Variants in FGD6 observed in about 807,000 individuals in gnomAD.
FGD6 encodes the protein FYVE, RhoGEF and PH domain containing 6.
Under a neutral mutation model 149.4 loss-of-function variants are expected in FGD6, and 90 were observed. The ratio of observed to expected loss-of-function variants is 0.60; its 90% CI spans 0.51 to 0.72. The LOEUF is 0.72. Ranked by LOEUF, FGD6 falls within the 30% of genes least tolerant of loss-of-function variation. The pLI is 0.00. For synonymous variants in FGD6, 527 were observed against 584.0 expected (o/e 0.90, Z 1.41); for missense variants, 1,437 against 1,684.8 (o/e 0.85, Z 2.57).
chr12:95,150,424 C>T (rs1440082410), intron 5 of FGD6, among the ~76,000 whole-genome samples: 2 of 151,784 alleles, frequency 1.3e-5, no homozygotes, highest in Non-Finnish European at 2.9e-5. Context: ...AATAAGACAA[C>T]CAAAAACCTT....
At chr12:95,192,271 G>C (rs1301528401) in intron 2 of FGD6, among the ~76,000 whole-genome samples, 1 of 152,100 alleles carries the variant, frequency 6.6e-6, no homozygotes, top group Non-Finnish European at 1.5e-5. Flanking sequence ...TTTTTAGGGG[G>C]GAAGCAGAGG....
intron 2 of FGD6, among the ~76,000 whole-genome samples, chr12:95,199,403 C>T (rs1379472677): frequency 6.6e-6 from 1 of 152,064 alleles, no homozygotes; most frequent in Non-Finnish European, 1.5e-5. Flanking sequence ...AAAAAAAATC[C>T]TTATTTATTT....
chr12:95,172,038 G>GTGGA (rs1555221385), intron 3 of FGD6, among the ~76,000 whole-genome samples: 2 of 136,554 alleles, frequency 1.5e-5, no homozygotes, highest in Non-Finnish European at 3.1e-5. Context: ...AATTCTAAGG[G>GTGGA]GGGGGGGGTT....
chr12:95,103,371 C>T (rs981122863), intron 14 of FGD6, among the ~76,000 whole-genome samples: 7 of 152,150 alleles, frequency 4.6e-5, no homozygotes, highest in South Asian at 2.1e-4. Flanking sequence ...TCCCAAATAC[C>T]CACTTCCGCC....
chr12:95,100,731 G>T, intron 14 of FGD6: 1 of 520,666 alleles, frequency 1.9e-6, no homozygotes, highest in South Asian at 1.5e-5. Flanking sequence ...ACAGTGCTGA[G>T]GACCATCTTG....
intron 2 of FGD6, among the ~76,000 whole-genome samples, chr12:95,206,615 C>T (rs1234762389): frequency 6.6e-6 from 1 of 151,702 alleles, no homozygotes; most frequent in Non-Finnish European, 1.5e-5. Context: ...ATCACTTGAG[C>T]CCAGGAGTTA....
intron 3 of FGD6, among the ~76,000 whole-genome samples, chr12:95,158,605 A>G (rs1317956833): frequency 6.6e-6 from 1 of 152,088 alleles, no homozygotes; most frequent in Non-Finnish European, 1.5e-5. Flanking sequence ...ACACACACAC[A>G]CGGATAACTG....
intron 10 of FGD6, 37 bp from the exon 11 acceptor site, chr12:95,108,456 G>A: frequency 6.2e-7 from 1 of 1,613,772 alleles, no homozygotes; most frequent in South Asian, 1.1e-5. Context: ...GAAGGCCTGG[G>A]CTTTCAGGTT....
At chr12:95,085,536 C>G (rs879726159) in intron 19 of FGD6, 17 of 496,544 alleles carry the variant, frequency 3.4e-5, no homozygotes. Flanking sequence ...AATTAGTAGT[C>G]ACACGACACA....
chr12:95,124,073 A>T (rs1234201447), intron 8 of FGD6, among the ~76,000 whole-genome samples: 2 of 150,576 alleles, frequency 1.3e-5, no homozygotes, highest in African/African-American at 2.4e-5. Context: ...GCCACCATGC[A>T]TGGCTAATTT....
At chr12:95,126,712 CAG>C (rs752377393) in intron 8 of FGD6, among the ~76,000 whole-genome samples, 2 of 140,354 alleles carry the variant, frequency 1.4e-5, no homozygotes, top group Non-Finnish European at 3.0e-5. Context: ...GCCTGGGCGA[CAG>C]AGTGAGACTC....
chr12:95,086,374 CAG>C (rs1359845851), intron 18 of FGD6, among the ~76,000 whole-genome samples: 1 of 151,874 alleles, frequency 6.6e-6, no homozygotes, highest in East Asian at 1.9e-4. Flanking sequence ...GAATAATAAA[CAG>C]AAAATTCTAC....
intron 7 of FGD6, among the ~76,000 whole-genome samples, chr12:95,135,295 G>A (rs1054556387): frequency 1.3e-5 from 2 of 152,170 alleles, no homozygotes; most frequent in African/African-American, 4.8e-5. Context: ...CAAAATAATG[G>A]TGGTGGCAGG....
rs1386719189 is a variant in FGD6, at chr12:95,082,984, T to TTAAAAAA, written c.4257-1429_4257-1428insTTTTTTA. On this transcript the variant is annotated intron_variant, in intron 20 of 20. Coordinates refer to ENST00000343958, the MANE Select transcript of FGD6 (RefSeq NM_018351.4). ...CAACATTGCTAGACTCTGTCTCCAT[T>TTAAAAAA]AAAAAAAAAAAAAAAAAAAAAAAAA... Among the ~76,000 whole-genome samples, 89 of 31,128 alleles carry TTAAAAAA rather than the reference T, an allele frequency of 2.9e-3. 7 individuals are homozygous for TTAAAAAA. The highest frequency in any genetic ancestry group is 0.071 in the Middle Eastern group (1 of 14). 20.4% of individuals were successfully genotyped at this position (31,128 alleles called of 152,430 possible).
intron 18 of FGD6, among the ~76,000 whole-genome samples, chr12:95,088,833 A>T (rs1256899523): frequency 2.6e-5 from 4 of 152,202 alleles, no homozygotes; most frequent in African/African-American, 9.6e-5. Context: ...TCGTAACTTT[A>T]CATAAGAAAC....
intron 18 of FGD6, among the ~76,000 whole-genome samples, chr12:95,088,056 AC>A (rs1877935948): frequency 6.6e-6 from 1 of 152,224 alleles, no homozygotes; most frequent in East Asian, 1.9e-4. Context: ...AAAATATATT[AC>A]ATTTCTCCTT....
chr12:95,104,570 G>A (rs954275634), intron 14 of FGD6, among the ~76,000 whole-genome samples: 2 of 151,918 alleles, frequency 1.3e-5, no homozygotes, highest in Non-Finnish European at 2.9e-5. Flanking sequence ...CTGAGTAGCT[G>A]GGACTACAGG....
rs865783504 is a variant in FGD6, at chr12:95,115,385, G to C, written c.3083-1684C>G. Reference sequence around the variant, plus strand: ...CCCAAATAGCTATGACTACTGGTGTGTGCCTCCATGTCTGCTTTTTTTTTT... The same window carrying C: ...CCCAAATAGCTATGACTACTGGTGTCTGCCTCCATGTCTGCTTTTTTTTTT... On this transcript the variant is annotated intron_variant, in intron 8 of 20. Transcript: ENST00000343958. Among the ~76,000 whole-genome samples the C allele has an allele frequency of 1.1e-4, 15 of 142,204 alleles. No individual in the cohort carries two copies. In the South Asian group the frequency reaches 1.6e-3, roughly 15 times the overall value. The allele number at this position is 142,204 out of a possible 152,430, so 93.3% of individuals were successfully genotyped here.
chr12:95,193,943 A>AT (rs1565920848), intron 2 of FGD6, among the ~76,000 whole-genome samples: 1 of 150,658 alleles, frequency 6.6e-6, no homozygotes, highest in South Asian at 2.1e-4. Flanking sequence ...TTTTATTTTT[A>AT]TTTTTTTGGA....
Sources: allele counts gnomAD v4.1 joint callset (sites outside exome capture counted in the v4.1 genomes callset), GRCh38; gene constraint gnomAD v4.1.1; transcripts MANE v1.5; gene names NCBI Gene and HGNC (gene_info 2026-07-23, HGNC 2026-07-21).